TOP1: variants seen among roughly 807,000 people sequenced by gnomAD.
TOP1 encodes the protein DNA topoisomerase I.
In TOP1, 10 loss-of-function variants were observed where a neutral mutation model predicts 111.1. That is an observed-to-expected ratio of 0.09 (90% confidence interval 0.06 to 0.15). The LOEUF is 0.15. Among genes scored for constraint, TOP1 ranks in the 10% least tolerant of loss-of-function variants. TOP1 has a pLI of 1.00. For missense variants in TOP1, 474 were observed against 926.7 expected, an observed-to-expected ratio of 0.51 and a Z score of 6.34; for synonymous variants, 271 against 302.9, an observed-to-expected ratio of 0.89 and a Z score of 1.10.
chr20:41,121,265 A>G lies in TOP1; in HGVS notation c.1951-431A>G, dbSNP rs760809012. ...GAGCTGGGGTTGCCCAGTAGATGCA[A>G]GTATCCTGCTTCAGTTTCCTAAAGA... On this transcript the variant is annotated intron_variant, in intron 18 of 20. Coordinates refer to ENST00000361337, the MANE Select transcript of TOP1 (RefSeq NM_003286.4). The surrounding 1 kb of genome is among the most constrained non-coding windows in gnomAD (Gnocchi z 4.2). Among the ~76,000 whole-genome samples, 7 of 152,128 alleles carry G rather than the reference A, an allele frequency of 4.6e-5. No individual in the cohort carries two copies. Among genetic ancestry groups the G allele is most frequent in the Non-Finnish European group, 1.0e-4 (7 of 68,028 alleles).
chr20:41,100,100 C>T lies in TOP1; in HGVS notation c.1020C>T (p.Phe340=), dbSNP rs1345304944. Residue 340 remains phenylalanine (F), a synonymous_variant, in exon 12 of 21, where the codon TTC becomes TTT. Transcript: ENST00000361337. The surrounding 1 kb of genome is among the most constrained non-coding windows in gnomAD (Gnocchi z 4.4). ...AAAAATTACTGAAAGAATATGGATT[C>T]TGTATTATGGATAACCACAAAGAGA... ...ENEKLLKEYG[F]CIMDNHKERI... The T allele has an allele frequency of 6.2e-7, 1 of 1,613,350 alleles. No homozygotes were observed. Among genetic ancestry groups the T allele is most frequent in the East Asian group, 2.2e-5 (1 of 44,880 alleles).
chr20:41,064,265 G>GT (rs1196880961), intron 3 of TOP1, among the ~76,000 whole-genome samples: 1 of 151,958 alleles, frequency 6.6e-6, no homozygotes, highest in African/African-American at 2.4e-5. Flanking sequence ...GTTCCATTTG[G>GT]TCTATGTGTC....
chr20:41,062,462 C>G (rs1354110336), intron 3 of TOP1, among the ~76,000 whole-genome samples: 1 of 152,186 alleles, frequency 6.6e-6, no homozygotes, highest in Non-Finnish European at 1.5e-5. Flanking sequence ...CCTTTTTTCC[C>G]TATCCCTCAC....
At chr20:41,041,012 A>C (rs1350053110) in intron 2 of TOP1, among the ~76,000 whole-genome samples, 1 of 152,038 alleles carries the variant, frequency 6.6e-6, no homozygotes, top group East Asian at 1.9e-4. Context: ...AGCCTGTTTG[A>C]GTATTGATGG....
chr20:41,088,416 TG>T (rs2033873932), intron 8 of TOP1, among the ~76,000 whole-genome samples: 1 of 152,180 alleles, frequency 6.6e-6, no homozygotes, highest in African/African-American at 2.4e-5. Flanking sequence ...GGCGCGAGAA[TG>T]GTGTGAACCC....
rs2034456309 is a variant in TOP1 at position 41,123,845 on chromosome 20, G to C, written c.*548G>C. 1 of 232,752 alleles carries C rather than the reference G, an allele frequency of 4.3e-6. No individual in the cohort carries two copies. Among genetic ancestry groups the C allele is most frequent in the African/African-American group, 2.2e-5 (1 of 45,330 alleles). 14.4% of individuals were successfully genotyped at this position (232,752 alleles called of 1,614,324 possible). A position where few individuals can be genotyped will look rare whatever the true frequency, so the allele number is the denominator to read the frequency against. On this transcript the variant is annotated 3_prime_UTR_variant, in exon 21 of 21. Transcript: ENST00000361337. This position sits in a 1 kb window ranked among gnomAD's most constrained non-coding sequence, Gnocchi z 5.8. ...ATCAATTTTCATTAAACTTGAAGCA[G>C]TCGTGGCTTTGGCAGTGTTTTGGTT...
At chr20:41,119,722 G>C (rs974421038) in intron 18 of TOP1, among the ~76,000 whole-genome samples, 1 of 152,180 alleles carries the variant, frequency 6.6e-6, no homozygotes, top group South Asian at 2.1e-4. Context: ...TTGAAGAGAC[G>C]TACATGTCCA....
rs1272803598 is a variant in TOP1, at chr20:41,092,891, G to A, written c.730+304G>A. Among the ~76,000 whole-genome samples, 1 of 152,114 alleles carries A rather than the reference G, an allele frequency of 6.6e-6. No homozygotes were observed. The highest frequency in any genetic ancestry group is 2.4e-5 in the African/African-American group (1 of 41,402). On this transcript the variant is annotated intron_variant, in intron 9 of 20. Transcript: ENST00000361337. This position sits in a 1 kb window ranked among gnomAD's most constrained non-coding sequence, Gnocchi z 4.3. ...GTTTTGATCTGAACTTCATTTCTAG[G>A]GAGCAACTCTTCGCAAGAGTTATTA...
chr20:41,066,735 T>C (rs1176194531), intron 3 of TOP1, among the ~76,000 whole-genome samples: 1 of 151,956 alleles, frequency 6.6e-6, no homozygotes, highest in Admixed American at 6.6e-5. Context: ...TTTATATTTT[T>C]AGTAGAGACG....
At chr20:41,068,781 A>G (rs1312495306) in intron 3 of TOP1, among the ~76,000 whole-genome samples, 1 of 152,194 alleles carries the variant, frequency 6.6e-6, no homozygotes, top group African/African-American at 2.4e-5. Flanking sequence ...CTCACGAGCT[A>G]CCTTTCTTAA....
intron 14 of TOP1, 90 bp from the exon 15 acceptor site, chr20:41,113,880 A>C (rs1386587338): frequency 3.3e-4 from 62 of 187,290 alleles, no homozygotes; most frequent in Non-Finnish European, 5.1e-4. Flanking sequence ...AGACTGTCTC[A>C]AAAAAAAAAA....
chr20:41,065,995 A>G (rs1426735606), intron 3 of TOP1, among the ~76,000 whole-genome samples: 4 of 152,220 alleles, frequency 2.6e-5, no homozygotes, highest in African/African-American at 9.6e-5. Flanking sequence ...TTTGACCGTG[A>G]ACAGTATCAT....
chr20:41,116,269 C>A lies in TOP1; in HGVS notation c.1708-9C>A. The A allele has an allele frequency of 6.3e-7, 1 of 1,599,756 alleles. No homozygotes were observed. The highest frequency in any genetic ancestry group is 1.1e-5 in the South Asian group (1 of 90,660). ...CTTTGACCTAAATCTGTTGCTTTGT[C>A]TCCTCCAGACTGGTATTCTGAATAA... On this transcript the variant is annotated splice_polypyrimidine_tract_variant and intron_variant, in intron 16 of 20. Coordinates refer to ENST00000361337, the MANE Select transcript of TOP1 (RefSeq NM_003286.4). This position sits in a 1 kb window ranked among gnomAD's most constrained non-coding sequence, Gnocchi z 5.6.
At position 41,069,486 on chromosome 20, in the gene TOP1, G is replaced by A. The variant is rs1246585699; in HGVS notation, c.156-6685G>A. On this transcript the variant is annotated intron_variant, in intron 3 of 20. Coordinates refer to ENST00000361337, the MANE Select transcript of TOP1 (RefSeq NM_003286.4). This position sits in a 1 kb window ranked among gnomAD's most constrained non-coding sequence, Gnocchi z 4.1. ...CTGGGTTCTGTCATTTATAAGCTACGTGTCGTGATCCAAGGTGCTTAACTT... is the reference window on the plus strand; with the variant it reads ...CTGGGTTCTGTCATTTATAAGCTACATGTCGTGATCCAAGGTGCTTAACTT... Among the ~76,000 whole-genome samples, 5 of 152,118 alleles carry A rather than the reference G, an allele frequency of 3.3e-5. No individual in the cohort carries two copies. The highest frequency in any genetic ancestry group is 7.2e-5 in the African/African-American group (3 of 41,420).
rs535398662 is a variant in TOP1, at chr20:41,121,119, T to C, written c.1951-577T>C. 6.6e-6 allele frequency among the ~76,000 whole-genome samples: 1 copy of C among 152,190 alleles called. No homozygotes were observed. The highest frequency in any genetic ancestry group is 1.5e-5 in the Non-Finnish European group (1 of 68,040). ...GTTTGGGACAGACTGGCTGAGCTGT[T>C]TGGCTTCCTGGGTGTCTTTTAATTG... On this transcript the variant is annotated intron_variant, in intron 18 of 20. Transcript: ENST00000361337. This position sits in a 1 kb window ranked among gnomAD's most constrained non-coding sequence, Gnocchi z 4.2.
chr20:41,084,962 A>G (rs2033830097), intron 8 of TOP1, among the ~76,000 whole-genome samples: 1 of 152,194 alleles, frequency 6.6e-6, no homozygotes, highest in Admixed American at 6.5e-5. Flanking sequence ...GAATATTTTT[A>G]TAATTGTGCA....
In TOP1 at chr20:41,069,261, G is replaced by A. The variant is rs2033643390; in HGVS notation, c.156-6910G>A. Among the ~76,000 whole-genome samples the A allele has an allele frequency of 6.6e-6, 1 of 152,188 alleles. No homozygotes were observed. The highest frequency in any genetic ancestry group is 2.1e-4 in the South Asian group (1 of 4,834). On this transcript the variant is annotated intron_variant, in intron 3 of 20. Coordinates refer to ENST00000361337, the MANE Select transcript of TOP1 (RefSeq NM_003286.4). The surrounding 1 kb of genome is among the most constrained non-coding windows in gnomAD (Gnocchi z 4.1). ...ATAAAATTTAAAAGATATGTTTGCT[G>A]CTTTCCTTGTGAGTGGTTTGCCAAA...
rs554491791 is a variant in TOP1 at position 41,074,184 on chromosome 20, CT to C, written c.156-1975del. 3.1e-3 allele frequency among the ~76,000 whole-genome samples: 455 copies of C among 144,958 alleles called. 1 individual carries two copies. The highest frequency in any genetic ancestry group is 3.8e-3 in the Non-Finnish European group (248 of 65,516). On this transcript the variant is annotated intron_variant, in intron 3 of 20. Coordinates refer to ENST00000361337, the MANE Select transcript of TOP1 (RefSeq NM_003286.4). ...TAGGAGTGCTAATGCAATTGGAAGA[CT>C]TTTTTTTTTTTAAACAAAGTAAGGA...
intron 2 of TOP1, among the ~76,000 whole-genome samples, chr20:41,040,039 G>T (rs761963411): frequency 2.6e-5 from 4 of 152,182 alleles, no homozygotes; most frequent in Non-Finnish European, 4.4e-5. Context: ...TTAAATCCTT[G>T]AACTGAATTG....
Sources: allele counts gnomAD v4.1 joint callset (sites outside exome capture counted in the v4.1 genomes callset), GRCh38; gene constraint gnomAD v4.1.1; non-coding constraint Gnocchi (gnomAD v3.1); transcripts MANE v1.5; gene names NCBI Gene and HGNC (gene_info 2026-07-23, HGNC 2026-07-21).